Variants in UBE2E2 observed in about 807,000 individuals in gnomAD.
UBE2E2 encodes ubiquitin-conjugating enzyme E2 E2.
Under a neutral mutation model 24.7 loss-of-function variants are expected in UBE2E2, and 6 were observed. The ratio of observed to expected loss-of-function variants is 0.24; its 90% CI spans 0.13 to 0.48. UBE2E2 has a LOEUF of 0.48. Among genes scored for constraint, UBE2E2 ranks in the 20% least tolerant of loss-of-function variants. The pLI, the probability that UBE2E2 is intolerant of heterozygous loss-of-function variation, is 0.99. For synonymous variants in UBE2E2, 104 were observed against 83.6 expected, an observed-to-expected ratio of 1.24 and a Z score of -1.33; for missense variants, 169 against 245.0, an observed-to-expected ratio of 0.69 and a Z score of 2.07.
At position 23,409,218 on chromosome 3, in the gene UBE2E2, T is replaced by G. The variant is rs893126711; in HGVS notation, c.228-90390T>G. Among the ~76,000 whole-genome samples, 3 of 152,172 alleles carry G rather than the reference T, an allele frequency of 2.0e-5. No individual in the cohort carries two copies. In the South Asian group the frequency reaches 6.2e-4, roughly 31 times the overall value. On this transcript the variant is annotated intron_variant, in intron 3 of 5. Coordinates refer to ENST00000396703, the MANE Select transcript of UBE2E2 (RefSeq NM_152653.4). ...TGTGAAAAGATCAGTTTTTAAAAAT[T>G]CAACACAACATCACTAAAGCAGAAA...
chr3:23,452,232 A>T (rs910090556), intron 3 of UBE2E2, among the ~76,000 whole-genome samples: 1 of 152,234 alleles, frequency 6.6e-6, no homozygotes, highest in African/African-American at 2.4e-5. Context: ...AGCACGATAT[A>T]TCTAGCTACT....
At chr3:23,560,648 T>C (rs910324411) in intron 5 of UBE2E2, among the ~76,000 whole-genome samples, 1 of 152,092 alleles carries the variant, frequency 6.6e-6, no homozygotes, top group Admixed American at 6.5e-5. Flanking sequence ...CCACACTGAC[T>C]TCCACAATGG....
At chr3:23,467,868 C>T (rs1291129781) in intron 3 of UBE2E2, among the ~76,000 whole-genome samples, 3 of 152,108 alleles carry the variant, frequency 2.0e-5, no homozygotes, top group Non-Finnish European at 4.4e-5. Context: ...GGGAAGGAGG[C>T]ACATCTTCAC....
intron 3 of UBE2E2, among the ~76,000 whole-genome samples, chr3:23,409,180 G>A (rs1697440594): frequency 6.6e-6 from 1 of 152,146 alleles, no homozygotes; most frequent in Non-Finnish European, 1.5e-5. Context: ...TGGGATGAAT[G>A]TAGATAGACA....
intron 5 of UBE2E2, among the ~76,000 whole-genome samples, chr3:23,547,013 A>G (rs1695540146): frequency 6.6e-6 from 1 of 152,060 alleles, no homozygotes; most frequent in Non-Finnish European, 1.5e-5. Context: ...TGTTAGAGTT[A>G]TTTTATTGAG....
At chr3:23,573,415 T>C (rs1025778090) in intron 5 of UBE2E2, among the ~76,000 whole-genome samples, 5 of 152,152 alleles carry the variant, frequency 3.3e-5, no homozygotes, top group Non-Finnish European at 7.3e-5. Context: ...TAAGCTAGGT[T>C]AAAGGACAAA....
intron 3 of UBE2E2, among the ~76,000 whole-genome samples, chr3:23,496,156 G>T (rs945187554): frequency 3.3e-5 from 5 of 152,068 alleles, no homozygotes; most frequent in Non-Finnish European, 5.9e-5. Flanking sequence ...CATACAGTAG[G>T]ATCTTTTTTT....
chr3:23,520,349 A>G (rs921110112), intron 4 of UBE2E2, among the ~76,000 whole-genome samples: 12 of 152,230 alleles, frequency 7.9e-5, no homozygotes, highest in African/African-American at 2.7e-4. Flanking sequence ...GCACATAAAC[A>G]TGGCATTATT....
intron 3 of UBE2E2, among the ~76,000 whole-genome samples, chr3:23,266,083 G>A (rs546394005): frequency 3.3e-5 from 5 of 152,228 alleles, no homozygotes; most frequent in Non-Finnish European, 7.4e-5. Flanking sequence ...ACACTGATGG[G>A]TCTTGACTCT....
chr3:23,458,404 T>TGGTGGTGGTGGTGGTGGTGGG (rs1698728493), intron 3 of UBE2E2, among the ~76,000 whole-genome samples: 1 of 130,590 alleles, frequency 7.7e-6, no homozygotes, highest in Admixed American at 7.5e-5. Flanking sequence ...GTGGTGGTGG[T>TGGTGGTGGTGGTGGTGGTGGG]GGTGGTGGTG....
chr3:23,400,618 A>ACACACACACACACATACT (rs1451765726), intron 3 of UBE2E2, among the ~76,000 whole-genome samples: 6 of 150,880 alleles, frequency 4.0e-5, no homozygotes, highest in Admixed American at 2.7e-4. Context: ...ACACACACAC[A>ACACACACACACACATACT]CACACACACA....
chr3:23,582,040 T>C (rs915500703), intron 5 of UBE2E2, among the ~76,000 whole-genome samples: 1 of 152,184 alleles, frequency 6.6e-6, no homozygotes, highest in Non-Finnish European at 1.5e-5. Context: ...AGTTTTTCTA[T>C]CCTCACCCTT....
At chr3:23,383,957 A>T (rs111984751) in intron 3 of UBE2E2, among the ~76,000 whole-genome samples, 1 of 150,856 alleles carries the variant, frequency 6.6e-6, no homozygotes, top group African/African-American at 2.4e-5. Context: ...TAACCTCACA[A>T]TTTATCTAAG....
At chr3:23,525,567 A>G (rs1335692260) in intron 4 of UBE2E2, among the ~76,000 whole-genome samples, 1 of 152,192 alleles carries the variant, frequency 6.6e-6, no homozygotes, top group Non-Finnish European at 1.5e-5. Context: ...AATTTTACCT[A>G]TCATTGAGAA....
intron 5 of UBE2E2, among the ~76,000 whole-genome samples, chr3:23,537,110 G>C (rs897649389): frequency 6.6e-6 from 1 of 152,162 alleles, no homozygotes; most frequent in African/African-American, 2.4e-5. Context: ...TAAGTGGTAC[G>C]TGATTTGGCT....
At chr3:23,577,569 G>A (rs190982390) in intron 5 of UBE2E2, among the ~76,000 whole-genome samples, 3 of 152,192 alleles carry the variant, frequency 2.0e-5, no homozygotes, top group Admixed American at 6.5e-5. Flanking sequence ...AAAATTGCAA[G>A]GTTGAGGGTG....
intron 3 of UBE2E2, among the ~76,000 whole-genome samples, chr3:23,276,546 C>T (rs971677296): frequency 5.9e-5 from 9 of 152,062 alleles, no homozygotes; most frequent in Non-Finnish European, 1.0e-4. Flanking sequence ...TTTCTACCTG[C>T]TAAAATGTAT....
intron 3 of UBE2E2, among the ~76,000 whole-genome samples, chr3:23,468,073 A>T (rs1439134411): frequency 6.6e-6 from 1 of 152,168 alleles, no homozygotes; most frequent in Non-Finnish European, 1.5e-5. Context: ...CAACCAAACC[A>T]TATCAGTAGC....
At chr3:23,414,921 T>C (rs1041908941) in intron 3 of UBE2E2, among the ~76,000 whole-genome samples, 21 of 152,170 alleles carry the variant, frequency 1.4e-4, no homozygotes, top group African/African-American at 4.6e-4. Flanking sequence ...AAAATAAATT[T>C]CTGTTGTTTA....
Sources: gnomAD v4.1 joint callset for allele counts (sites outside exome capture counted in the v4.1 genomes callset) on GRCh38, gnomAD v4.1.1 for gene constraint, MANE v1.5 for transcripts, NCBI Gene and HGNC (gene_info 2026-07-23, HGNC 2026-07-21) for gene names.